Variants in PPP1R9A observed in about 807,000 individuals in gnomAD.
The protein encoded by PPP1R9A is protein phosphatase 1 regulatory subunit 9A.
A neutral mutation model predicts 141.9 loss-of-function variants in PPP1R9A; 59 were observed. The ratio of observed to expected loss-of-function variants is 0.42; its 90% CI spans 0.34 to 0.52. The LOEUF (loss-of-function observed/expected upper bound fraction) is 0.52, where lower values mean the gene tolerates loss of function less well. Among genes scored for constraint, PPP1R9A ranks in the 20% least tolerant of loss-of-function variants. PPP1R9A has a pLI of 0.10. For synonymous variants in PPP1R9A, 500 were observed against 569.7 expected, an observed-to-expected ratio of 0.88 and a Z score of 1.74; for missense variants, 1,444 against 1,611.9, an observed-to-expected ratio of 0.90 and a Z score of 1.78.
intron 2 of PPP1R9A, among the ~76,000 whole-genome samples, chr7:95,076,487 G>A (rs1466421005): frequency 6.6e-6 from 1 of 151,850 alleles, no homozygotes; most frequent in Non-Finnish European, 1.5e-5. Context: ...GATCTTTCTG[G>A]ACTCTCTGTT....
At chr7:95,016,842 G>A (rs996739373) in intron 2 of PPP1R9A, among the ~76,000 whole-genome samples, 10 of 152,070 alleles carry the variant, frequency 6.6e-5, no homozygotes, top group Admixed American at 3.9e-4. Context: ...GGATTGAATC[G>A]TGTACCTCAA....
chr7:94,932,098 A>G (rs1241061722), intron 2 of PPP1R9A, among the ~76,000 whole-genome samples: 1 of 152,200 alleles, frequency 6.6e-6, no homozygotes, highest in African/African-American at 2.4e-5. Context: ...CTGCTGTTAT[A>G]TAGATAAATT....
chr7:95,170,522 C>G (rs1831946428), intron 5 of PPP1R9A, among the ~76,000 whole-genome samples: 1 of 151,242 alleles, frequency 6.6e-6, no homozygotes, highest in Non-Finnish European at 1.5e-5. Flanking sequence ...TACAGTGAAC[C>G]AAAGATGAGA....
chr7:95,293,358 C>T lies in PPP1R9A; in HGVS notation c.*3055C>T, dbSNP rs1420789997. The T allele has an allele frequency of 1.3e-5, 2 of 152,150 alleles. No homozygotes were observed. The highest frequency in any genetic ancestry group is 1.5e-5 in the Non-Finnish European group (1 of 68,018). The allele number at this position is 152,150 out of a possible 1,614,324, so 9.4% of individuals were successfully genotyped here. On this transcript the variant is annotated 3_prime_UTR_variant, in exon 20 of 20. Transcript: ENST00000433360. Reference sequence around the variant, plus strand: ...GTTAGGGAAGAAACCTCATTTCATCCATTCTAACACTCCTGATGAAGTCCC... The same window carrying T: ...GTTAGGGAAGAAACCTCATTTCATCTATTCTAACACTCCTGATGAAGTCCC...
intron 4 of PPP1R9A, among the ~76,000 whole-genome samples, chr7:95,137,685 T>C (rs1399294641): frequency 2.0e-5 from 3 of 152,116 alleles, no homozygotes; most frequent in Non-Finnish European, 4.4e-5. Context: ...AGCAGGTTTT[T>C]TGTTGTTCTT....
intron 16 of PPP1R9A, among the ~76,000 whole-genome samples, chr7:95,282,506 T>C (rs2115604898): frequency 6.6e-6 from 1 of 152,336 alleles, no homozygotes; most frequent in African/African-American, 2.4e-5. Flanking sequence ...ACTAGTCATA[T>C]CTTTCCCTAG....
chr7:95,050,440 A>T (rs1428456393), intron 2 of PPP1R9A, among the ~76,000 whole-genome samples: 3 of 152,160 alleles, frequency 2.0e-5, no homozygotes, highest in Non-Finnish European at 4.4e-5. Context: ...AGAAATATAA[A>T]CAAGAGGCTG....
chr7:95,054,061 A>C (rs140243440), intron 2 of PPP1R9A, among the ~76,000 whole-genome samples: 4 of 151,832 alleles, frequency 2.6e-5, no homozygotes, highest in Non-Finnish European at 5.9e-5. Flanking sequence ...GAATAGATAC[A>C]TTGATAATAT....
At chr7:95,026,037 G>A (rs1012166425) in intron 2 of PPP1R9A, among the ~76,000 whole-genome samples, 1 of 152,118 alleles carries the variant, frequency 6.6e-6, no homozygotes, top group African/African-American at 2.4e-5. Flanking sequence ...CTTTAGCTCA[G>A]AGGAGTTTGT....
At chr7:95,066,351 A>T (rs1165375104) in intron 2 of PPP1R9A, among the ~76,000 whole-genome samples, 1 of 152,216 alleles carries the variant, frequency 6.6e-6, no homozygotes, top group Non-Finnish European at 1.5e-5. Context: ...TAAGTCATCC[A>T]GACTGTGGTA....
intron 7 of PPP1R9A, among the ~76,000 whole-genome samples, chr7:95,213,492 G>A (rs956643082): frequency 5.9e-5 from 9 of 151,622 alleles, no homozygotes; most frequent in Non-Finnish European, 1.5e-5. Flanking sequence ...AGCTAATTTT[G>A]TATTTTGTTT....
intron 2 of PPP1R9A, among the ~76,000 whole-genome samples, chr7:94,936,650 G>GC (rs747904352): frequency 8.4e-4 from 92 of 108,886 alleles, no homozygotes; most frequent in Non-Finnish European, 1.7e-3. Flanking sequence ...GACTGTGTAG[G>GC]GGTGTGTGTG....
intron 19 of PPP1R9A, 135 bp downstream of exon 19, chr7:95,288,853 T>C: frequency 8.5e-7 from 1 of 1,170,192 alleles, no homozygotes; most frequent in Non-Finnish European, 1.2e-6. Flanking sequence ...AGAAAGGATG[T>C]TGAATTCTTT....
chr7:94,979,416 G>C (rs529665702), intron 2 of PPP1R9A, among the ~76,000 whole-genome samples: 1 of 152,156 alleles, frequency 6.6e-6, no homozygotes, highest in Non-Finnish European at 1.5e-5. Flanking sequence ...TCTCTCAATG[G>C]GATTTGTGGT....
chr7:95,111,744 T>C (rs1266077272), intron 3 of PPP1R9A, among the ~76,000 whole-genome samples: 2 of 152,046 alleles, frequency 1.3e-5, no homozygotes, highest in African/African-American at 2.4e-5. Flanking sequence ...CTTTCTTTTG[T>C]TTTGGTGGAT....
chr7:95,165,290 G>C (rs1010089225), intron 5 of PPP1R9A, among the ~76,000 whole-genome samples: 2 of 152,186 alleles, frequency 1.3e-5, no homozygotes, highest in African/African-American at 4.8e-5. Flanking sequence ...GTTATAAAAG[G>C]CACTGTGGCT....
rs1484726765 is a variant in PPP1R9A at position 94,911,105 on chromosome 7, T to G, written c.992T>G (p.Met331Arg). ...PEEPCAESKA[M>R]PKSEIPSPQS... ...GAACCTTGTGCTGAAAGTAAGGCAATGCCAAAGTCCGAAATCCCTTCACCA... is the reference window on the plus strand; with the variant it reads ...GAACCTTGTGCTGAAAGTAAGGCAAGGCCAAAGTCCGAAATCCCTTCACCA... Residue 331 changes from methionine to arginine, a missense_variant, in exon 2 of 20, where the codon ATG (methionine) becomes AGG (arginine). Transcript: ENST00000433360. The G allele has an allele frequency of 6.2e-7, 1 of 1,614,144 alleles. No individual in the cohort carries two copies. Among genetic ancestry groups the G allele is most frequent in the East Asian group, 2.2e-5 (1 of 44,880 alleles).
At chr7:94,963,630 G>T (rs1797886520) in intron 2 of PPP1R9A, among the ~76,000 whole-genome samples, 1 of 152,016 alleles carries the variant, frequency 6.6e-6, no homozygotes, top group Non-Finnish European at 1.5e-5. Context: ...GTTCCTTTTT[G>T]TAGTCAAATA....
At chr7:95,208,710 C>T (rs1311659826) in intron 7 of PPP1R9A, among the ~76,000 whole-genome samples, 3 of 151,130 alleles carry the variant, frequency 2.0e-5, no homozygotes, top group Non-Finnish European at 2.9e-5. Context: ...GGCCACAGAG[C>T]GAGACTCTGT....
Sources: gnomAD v4.1 joint callset for allele counts (sites outside exome capture counted in the v4.1 genomes callset) on GRCh38, gnomAD v4.1.1 for gene constraint, MANE v1.5 for transcripts, NCBI Gene and HGNC (gene_info 2026-07-23, HGNC 2026-07-21) for gene names.